The following ANKRD62 variants were observed in gnomAD, a reference collection of about 807,000 sequenced individuals.
ANKRD62 encodes ankyrin repeat domain-containing protein 62.
A neutral mutation model predicts 98.8 loss-of-function variants in ANKRD62; 61 were observed. That is an observed-to-expected ratio of 0.62 (90% CI 0.50 to 0.76). The LOEUF (loss-of-function observed/expected upper bound fraction) is 0.76. ANKRD62 is among the 30% of genes least tolerant of loss of function. ANKRD62 has a pLI of 0.00. For missense variants in ANKRD62, 933 were observed against 1,082.9 expected, an observed-to-expected ratio of 0.86 and a Z score of 1.94; for synonymous variants, 341 against 367.9, an observed-to-expected ratio of 0.93 and a Z score of 0.84.
Position 12,094,115 on chromosome 18 carries a change from G to T in ANKRD62, c.98G>T (p.Arg33Leu). The T allele has an allele frequency of 6.5e-7, 1 of 1,534,328 alleles. No homozygotes were observed. Among genetic ancestry groups the T allele is most frequent in the Non-Finnish European group, 8.7e-7 (1 of 1,146,636 alleles). The change falls in exon 1 of 14, where the codon CGA (arginine) becomes CTA (leucine). Residue 33 changes from arginine to leucine, a missense_variant. By Grantham distance (102) the Arg-to-Leu change is moderately radical (BLOSUM62 -2). Coordinates refer to ENST00000587848, the MANE Select transcript of ANKRD62 (RefSeq NM_001277333.2). ...DKDGFSNPGYRVRQKDLGMIH... is the reference protein window; with the variant it reads ...DKDGFSNPGYLVRQKDLGMIH... ...GATGGCTTCTCAAATCCCGGGTACC[G>T]AGTCCGGCAGAAGGATCTGGGCATG...
the ANKRD62 span, among the ~76,000 whole-genome samples, chr18:12,145,924 T>C: frequency 6.6e-6 from 1 of 150,802 alleles, no homozygotes; most frequent in Non-Finnish European, 1.5e-5. Context: ...CTCTTCACTT[T>C]GTAGGACCTC....
intron 10 of ANKRD62, among the ~76,000 whole-genome samples, chr18:12,117,876 T>A (rs986205750): frequency 3.9e-5 from 6 of 152,234 alleles, no homozygotes; most frequent in Non-Finnish European, 8.8e-5. Context: ...AAAGAAGTTA[T>A]GATAAAGTCT....
chr18:12,141,249 T>A, the ANKRD62 span, among the ~76,000 whole-genome samples: 2 of 152,226 alleles, frequency 1.3e-5, no homozygotes, highest in Non-Finnish European at 2.9e-5. Flanking sequence ...AGGTGCTGTC[T>A]GTCACCCCTT....
In ANKRD62 at chr18:12,125,963, T is replaced by C. The variant is rs1425914611; in HGVS notation, c.2142T>C (p.Ser714=). 6.5e-7 allele frequency: 1 copy of C among 1,537,580 alleles called. No homozygotes were observed. The highest frequency in any genetic ancestry group is 8.7e-7 in the Non-Finnish European group (1 of 1,146,902). ...QQLSKAESTS[S]GLETELHYER... ...TTTCTAAAGCTGAGAGTACATCCAG[T>C]GGCCTGGAAACTGAGCTCCATTATG... The change falls in exon 13 of 14, where the codon AGT becomes AGC. Residue 714 remains serine, a synonymous_variant. Transcript: ENST00000587848.
At chr18:12,163,058 A>T in the ANKRD62 span, among the ~76,000 whole-genome samples, 1 of 151,894 alleles carries the variant, frequency 6.6e-6, no homozygotes, top group African/African-American at 2.4e-5. Context: ...GAAGAATGTC[A>T]TTGGTATTTT....
At chr18:12,151,445 C>T in the ANKRD62 span, among the ~76,000 whole-genome samples, 5 of 152,142 alleles carry the variant, frequency 3.3e-5, no homozygotes, top group African/African-American at 7.2e-5. Context: ...TAGACCTCTA[C>T]GTAATTCTGT....
At chr18:12,130,719 G>A (rs1598740169), downstream of ANKRD62, among the ~76,000 whole-genome samples, 1 of 151,462 alleles carries the variant, frequency 6.6e-6, no homozygotes, top group South Asian at 2.1e-4. Context: ...GGGGCACAGA[G>A]TCTTGATCTG....
chr18:12,113,175 G>A (rs1048622441), intron 8 of ANKRD62, among the ~76,000 whole-genome samples: 1 of 152,076 alleles, frequency 6.6e-6, no homozygotes, highest in African/African-American at 2.4e-5. Flanking sequence ...GATTACAGAT[G>A]TCAGCCGCTG....
At chr18:12,170,555 T>G in the ANKRD62 span, among the ~76,000 whole-genome samples, 1 of 152,212 alleles carries the variant, frequency 6.6e-6, no homozygotes, top group Non-Finnish European at 1.5e-5. Context: ...TCCAACTATG[T>G]GGTCAATTTT....
At chr18:12,165,290 T>A in the ANKRD62 span, among the ~76,000 whole-genome samples, 1 of 152,040 alleles carries the variant, frequency 6.6e-6, no homozygotes. Context: ...ATTATTGATA[T>A]GTAAACACAC....
At chr18:12,140,307 T>C in the ANKRD62 span, among the ~76,000 whole-genome samples, 5 of 152,182 alleles carry the variant, frequency 3.3e-5, no homozygotes, top group Non-Finnish European at 7.4e-5. Flanking sequence ...CTCCTGTAGC[T>C]CGGAGTAGTT....
Position 12,095,535 on chromosome 18 carries a change from T to C in ANKRD62, c.432T>C (p.Tyr144=). The change falls in exon 3 of 14, where the codon TAT becomes TAC. Residue 144 remains tyrosine (Y), a synonymous_variant. Coordinates refer to ENST00000587848, the MANE Select transcript of ANKRD62 (RefSeq NM_001277333.2). ...TGTATGGCAACACTGCTCTGCACTA[T>C]GCCATTGATAATGAGAATATATCAA... ...RDMYGNTALH[Y]AIDNENISMA... 4 of 1,557,064 alleles carry C rather than the reference T, an allele frequency of 2.6e-6. No individual in the cohort carries two copies. The highest frequency in any genetic ancestry group is 3.5e-6 in the Non-Finnish European group (4 of 1,157,394).
At chr18:12,177,672 C>T in the ANKRD62 span, among the ~76,000 whole-genome samples, 1 of 151,830 alleles carries the variant, frequency 6.6e-6, no homozygotes. Context: ...CCCCCTATCC[C>T]TTCATTTCTT....
downstream of ANKRD62, among the ~76,000 whole-genome samples, chr18:12,130,300 A>T (rs1383863272): frequency 1.3e-5 from 2 of 152,154 alleles, no homozygotes; most frequent in African/African-American, 2.4e-5. Flanking sequence ...TATATGATTT[A>T]AAAAAAATTA....
At chr18:12,156,688 A>C in the ANKRD62 span, among the ~76,000 whole-genome samples, 2 of 152,084 alleles carry the variant, frequency 1.3e-5, no homozygotes, top group African/African-American at 4.8e-5. Context: ...AGTTTTAAAA[A>C]CACCATTTTA....
the ANKRD62 span, among the ~76,000 whole-genome samples, chr18:12,139,585 G>T: frequency 6.6e-6 from 1 of 152,008 alleles, no homozygotes; most frequent in African/African-American, 2.4e-5. Flanking sequence ...GGCAGAGCTT[G>T]CAGTGAGCCA....
At chr18:12,168,715 T>A in the ANKRD62 span, among the ~76,000 whole-genome samples, 1 of 152,090 alleles carries the variant, frequency 6.6e-6, no homozygotes, top group South Asian at 2.1e-4. Context: ...AATCTATAAA[T>A]TACCTTGGGC....
intron 9 of ANKRD62, 62 bp downstream of exon 9, chr18:12,115,183 A>C (rs1909634829): frequency 7.4e-7 from 1 of 1,346,484 alleles, no homozygotes; most frequent in African/African-American, 1.5e-5. Flanking sequence ...ATCATGGTAA[A>C]AAACAGAAAA....
At chr18:12,160,178 C>A in the ANKRD62 span, among the ~76,000 whole-genome samples, 15 of 152,142 alleles carry the variant, frequency 9.9e-5, no homozygotes, top group African/African-American at 3.6e-4. Context: ...AATCATAGGG[C>A]TGCTCAATGT....
Sources: allele counts gnomAD v4.1 joint callset (sites outside exome capture counted in the v4.1 genomes callset), GRCh38; gene constraint gnomAD v4.1.1; transcripts MANE v1.5; gene names NCBI Gene and HGNC (gene_info 2026-07-23, HGNC 2026-07-21).